Variants in ZNF267 observed in about 807,000 individuals in gnomAD.
ZNF267 encodes the protein zinc finger protein 267.
ZNF267 carries 61 observed loss-of-function variants against 71.6 expected under a neutral mutation model. The ratio of observed to expected loss-of-function variants is 0.85; its 90% CI spans 0.69 to 1.05. The LOEUF is 1.05. Ranked by LOEUF, ZNF267 falls within the 50% of genes least tolerant of loss-of-function variation. The probability of loss-of-function intolerance (pLI) is 0.00; values close to 1 mark genes in which losing one functional copy is unlikely to be tolerated. For missense variants in ZNF267, 852 were observed against 870.0 expected (o/e 0.98, Z 0.26); for synonymous variants, 288 against 293.2 (o/e 0.98, Z 0.18).
rs1212104819 is a variant in ZNF267 at position 31,902,601 on chromosome 16, A to G, written c.227-11875A>G. On this transcript the variant is annotated intron_variant, in intron 3 of 3. Transcript: ENST00000300870. ...TGATTTGGCTCTCTGTTTGTCTGTT[A>G]TTGGTGTATAAAAATGCTTGTGATT... Among the ~76,000 whole-genome samples the G allele has an allele frequency of 2.6e-5, 4 of 151,862 alleles. No individual in the cohort carries two copies. The East Asian group carries it at 5.8e-4, about 22-fold the overall frequency.
intron 3 of ZNF267, among the ~76,000 whole-genome samples, chr16:31,890,868 GC>G (rs1476963031): frequency 6.6e-6 from 1 of 152,120 alleles, no homozygotes; most frequent in East Asian, 1.9e-4. Context: ...CATCACAATG[GC>G]TATTAAATTT....
chr16:31,900,994 C>T (rs2096346538), intron 3 of ZNF267, among the ~76,000 whole-genome samples: 2 of 151,964 alleles, frequency 1.3e-5, no homozygotes, highest in African/African-American at 4.8e-5. Context: ...TGTTCCCCTT[C>T]CTGTGTCCAT....
In ZNF267 at chr16:31,894,692, G is replaced by A. The variant is rs138203517; in HGVS notation, c.226+9436G>A. 1.4e-3 allele frequency: 693 copies of A among 478,042 alleles called. 7 individuals are homozygous for A. Among genetic ancestry groups the A allele is most frequent in the African/African-American group, 0.011 (556 of 49,720 alleles). 29.6% of individuals were successfully genotyped at this position (478,042 alleles called of 1,614,324 possible). A position where few individuals can be genotyped will look rare whatever the true frequency, so the allele number is the denominator to read the frequency against. ...TTCATCACTGTCATCCTGAGATACC[G>A]CTCATGCCTGGAGACAGGGCATTCC... On this transcript the variant is annotated intron_variant, in intron 3 of 3. Coordinates refer to ENST00000300870, the MANE Select transcript of ZNF267 (RefSeq NM_003414.6).
chr16:31,915,638 T>C lies in ZNF267; in HGVS notation c.1389T>C (p.Leu463=). The part of the protein sequence containing the change: ...QHQTTHTGEK[L]YKCKVCSKSY... Reference sequence around the variant, plus strand: ...AGACAACTCATACAGGAGAAAAACTTTACAAATGTAAAGTATGTAGCAAAT... The same window carrying C: ...AGACAACTCATACAGGAGAAAAACTCTACAAATGTAAAGTATGTAGCAAAT... The change falls in exon 4 of 4, where the codon CTT becomes CTC. Residue 463 remains leucine (L), a synonymous_variant. Transcript: ENST00000300870. 6.2e-7 allele frequency: 1 copy of C among 1,613,678 alleles called. No individual in the cohort carries two copies. The highest frequency in any genetic ancestry group is 8.5e-7 in the Non-Finnish European group (1 of 1,179,932).
At chr16:31,886,386 A>T (rs1447689300) in intron 3 of ZNF267, among the ~76,000 whole-genome samples, 1 of 152,190 alleles carries the variant, frequency 6.6e-6, no homozygotes, top group Admixed American at 6.5e-5. Context: ...GCCAGCAAGC[A>T]TTACTGCCTG....
Position 31,917,245 on chromosome 16 carries a change from C to T in ZNF267, c.*764C>T, listed in dbSNP as rs1030699660. The T allele has an allele frequency of 8.6e-5, 13 of 151,946 alleles. No individual in the cohort carries two copies. The highest frequency in any genetic ancestry group is 3.1e-4 in the African/African-American group (13 of 41,412). 9.4% of individuals were successfully genotyped at this position (151,946 alleles called of 1,614,324 possible). A position where few individuals can be genotyped will look rare whatever the true frequency, so the allele number is the denominator to read the frequency against. On this transcript the variant is annotated 3_prime_UTR_variant, in exon 4 of 4. Coordinates refer to ENST00000300870, the MANE Select transcript of ZNF267 (RefSeq NM_003414.6). ...TGGAAGTTTAATGCCAAATGTAAAA[C>T]ACATGAAAATTTTTAAAAATATGCT... is the stretch of plus-strand genomic sequence containing the variant.
At chr16:31,898,202 CTAT>C (rs1198654927) in intron 3 of ZNF267, among the ~76,000 whole-genome samples, 2 of 152,032 alleles carry the variant, frequency 1.3e-5, no homozygotes, top group South Asian at 2.1e-4. Context: ...TCAGTGGACA[CTAT>C]TATTATTATT....
chr16:31,883,226 A>C (rs916166232), intron 1 of ZNF267, among the ~76,000 whole-genome samples: 2 of 152,210 alleles, frequency 1.3e-5, no homozygotes, highest in Non-Finnish European at 2.9e-5. Flanking sequence ...TTGAAAAAAA[A>C]TACCAGACTC....
At chr16:31,899,378 T>A (rs2142348559) in intron 3 of ZNF267, among the ~76,000 whole-genome samples, 1 of 152,320 alleles carries the variant, frequency 6.6e-6, no homozygotes, top group Middle Eastern at 3.4e-3. Flanking sequence ...GTTAAGACTC[T>A]CACTCAAAAC....
chr16:31,908,263 A>G (rs1305786002), intron 3 of ZNF267, among the ~76,000 whole-genome samples: 1 of 152,104 alleles, frequency 6.6e-6, no homozygotes, highest in Non-Finnish European at 1.5e-5. Flanking sequence ...ATTGTTTCTT[A>G]AAGAGTTGTT....
intron 3 of ZNF267, among the ~76,000 whole-genome samples, chr16:31,892,309 C>A (rs1314658185): frequency 6.6e-6 from 1 of 152,122 alleles, no homozygotes; most frequent in African/African-American, 2.4e-5. Context: ...AAGATTAGCA[C>A]AGGAAAGACC....
chr16:31,915,089 A>G lies in ZNF267; in HGVS notation c.840A>G (p.Leu280=), dbSNP rs1022661269. The change falls in exon 4 of 4, where the codon TTA becomes TTG. Residue 280 remains leucine (L), a synonymous_variant. Transcript: ENST00000300870. The part of the protein sequence containing the change: ...NKCVEVCTQS[L]KHIQHQTIHI... ...GTGTAGAAGTTTGTACCCAGTCATT[A>G]AAACATATTCAACATCAGACCATCC... 15 of 1,613,698 alleles carry G rather than the reference A, an allele frequency of 9.3e-6. No individual in the cohort carries two copies. The highest frequency in any genetic ancestry group is 1.3e-5 in the Non-Finnish European group (15 of 1,179,858).
chr16:31,906,275 G>T (rs371507185), intron 3 of ZNF267, among the ~76,000 whole-genome samples: 1 of 152,220 alleles, frequency 6.6e-6, no homozygotes, highest in African/African-American at 2.4e-5. Context: ...CAAGCTGTGT[G>T]CTGGGAGAAC....
chr16:31,904,024 A>C lies in ZNF267; in HGVS notation c.227-10452A>C, dbSNP rs1330531252. ...TTGGTTTCAAAGAACGTCTTTATTT[A>C]TGTCTTCATTTCGTTATGTATCCAG... On this transcript the variant is annotated intron_variant, in intron 3 of 3. Transcript: ENST00000300870. Among the ~76,000 whole-genome samples, 3 of 152,088 alleles carry C rather than the reference A, an allele frequency of 2.0e-5. No individual in the cohort carries two copies. The East Asian group carries it at 5.8e-4, about 29-fold the overall frequency.
intron 3 of ZNF267, among the ~76,000 whole-genome samples, chr16:31,887,465 T>G (rs1343169775): frequency 6.6e-6 from 1 of 152,176 alleles, no homozygotes; most frequent in African/African-American, 2.4e-5. Flanking sequence ...GAAAAATTAT[T>G]GCCAAGGCCA....
intron 3 of ZNF267, among the ~76,000 whole-genome samples, 193 bp downstream of exon 3, chr16:31,885,449 T>C (rs2083917871): frequency 6.6e-6 from 1 of 152,214 alleles, no homozygotes; most frequent in East Asian, 1.9e-4. Flanking sequence ...ATGATTCTCC[T>C]TCCTCTTCTG....
At chr16:31,889,685 T>G (rs188936519) in intron 3 of ZNF267, among the ~76,000 whole-genome samples, 22 of 152,238 alleles carry the variant, frequency 1.4e-4, no homozygotes, top group Admixed American at 5.9e-4. Context: ...TTGGTAAAGG[T>G]AGAACAGGCA....
At chr16:31,901,672 TC>T (rs1247433735) in intron 3 of ZNF267, among the ~76,000 whole-genome samples, 2 of 152,228 alleles carry the variant, frequency 1.3e-5, no homozygotes, top group Non-Finnish European at 2.9e-5. Context: ...TTGTTTGAGT[TC>T]ATTGTAGATT....
chr16:31,897,699 T>C (rs1043881099), intron 3 of ZNF267, among the ~76,000 whole-genome samples: 2 of 152,146 alleles, frequency 1.3e-5, no homozygotes, highest in Non-Finnish European at 2.9e-5. Context: ...ATTGACATCT[T>C]AAGAATATTG....
Sources: allele counts gnomAD v4.1 joint callset (sites outside exome capture counted in the v4.1 genomes callset), GRCh38; gene constraint gnomAD v4.1.1; transcripts MANE v1.5; gene names NCBI Gene and HGNC (gene_info 2026-07-23, HGNC 2026-07-21).